Variants in CELF2 observed in about 807,000 individuals in gnomAD.
The protein encoded by CELF2 is CUG triplet repeat RNA-binding protein 2.
Under a neutral mutation model 62.6 loss-of-function variants are expected in CELF2, and 8 were observed. The ratio of observed to expected loss-of-function variants is 0.13; its 90% CI spans 0.07 to 0.23. CELF2 has a LOEUF of 0.23. Ranked by LOEUF, CELF2 falls within the 10% of genes least tolerant of loss-of-function variation. CELF2 has a pLI of 1.00. For missense variants in CELF2, 333 were observed against 671.0 expected, an observed-to-expected ratio of 0.50 and a Z score of 5.56; for synonymous variants, 258 against 250.0, an observed-to-expected ratio of 1.03 and a Z score of -0.30.
chr10:10,979,230 C>G (rs568165029), intron 2 of CELF2, among the ~76,000 whole-genome samples: 2 of 152,326 alleles, frequency 1.3e-5, no homozygotes, highest in Admixed American at 1.3e-4. Context: ...ATTCTCTTGA[C>G]GCCAGGCCTG....
chr10:10,463,176 C>A, the CELF2 span, among the ~76,000 whole-genome samples: 11 of 152,306 alleles, frequency 7.2e-5, no homozygotes, highest in African/African-American at 2.6e-4. Flanking sequence ...GAAGAACCTA[C>A]ATCATTTGCA....
At chr10:10,710,303 G>A in the CELF2 span, among the ~76,000 whole-genome samples, 3 of 152,278 alleles carry the variant, frequency 2.0e-5, no homozygotes, top group Non-Finnish European at 4.4e-5. Flanking sequence ...TGTTACCGTC[G>A]TCATAAAGCA....
chr10:10,886,440 G>A (rs2061753680), intron 1 of CELF2, among the ~76,000 whole-genome samples: 1 of 152,184 alleles, frequency 6.6e-6, no homozygotes. Context: ...CAACAGAAGG[G>A]CTGCCCTCCT....
chr10:10,586,584 G>C, the CELF2 span, among the ~76,000 whole-genome samples: 1 of 152,152 alleles, frequency 6.6e-6, no homozygotes, highest in African/African-American at 2.4e-5. Context: ...GCTATGCCGT[G>C]TAGTGGGAAA....
the CELF2 span, among the ~76,000 whole-genome samples, chr10:10,704,958 G>T: frequency 6.6e-6 from 1 of 151,836 alleles, no homozygotes; most frequent in African/African-American, 2.4e-5. Flanking sequence ...AAAAGCCAAG[G>T]TGGAAGGATC....
chr10:10,696,605 G>T, the CELF2 span, among the ~76,000 whole-genome samples: 1 of 151,946 alleles, frequency 6.6e-6, no homozygotes, highest in African/African-American at 2.4e-5. Flanking sequence ...CCCCAGCCTC[G>T]CTGCGGCCTT....
the CELF2 span, among the ~76,000 whole-genome samples, chr10:10,687,821 AC>A: frequency 6.6e-5 from 10 of 152,182 alleles, no homozygotes; most frequent in Non-Finnish European, 1.3e-4. Context: ...TCTCCTACCC[AC>A]TGTCAATTTG....
At chr10:10,484,790 A>T in the CELF2 span, among the ~76,000 whole-genome samples, 1 of 152,118 alleles carries the variant, frequency 6.6e-6, no homozygotes. Context: ...AATACTATCA[A>T]ATCACACAAT....
At chr10:10,486,141 A>G in the CELF2 span, among the ~76,000 whole-genome samples, 2 of 152,210 alleles carry the variant, frequency 1.3e-5, no homozygotes, top group Non-Finnish European at 2.9e-5. Flanking sequence ...TGAGGCTCCA[A>G]GAGCCTGTGG....
the CELF2 span, among the ~76,000 whole-genome samples, chr10:10,769,051 T>G: frequency 6.6e-6 from 1 of 152,210 alleles, no homozygotes; most frequent in African/African-American, 2.4e-5. Flanking sequence ...CATTTCCTAT[T>G]TGTTTTTCCT....
chr10:11,268,252 T>C lies in CELF2; in HGVS notation c.618+1575T>C, dbSNP rs554346843. On this transcript the variant is annotated intron_variant, in intron 6 of 12. Transcript: ENST00000633077. This position sits in a 1 kb window ranked among gnomAD's most constrained non-coding sequence, Gnocchi z 4.7. ...AAAAATAAAAAAGAAAACTCTTTACTTGTATTATCTTCCATATACGCGTTT... is the reference window on the plus strand; with the variant it reads ...AAAAATAAAAAAGAAAACTCTTTACCTGTATTATCTTCCATATACGCGTTT... Among the ~76,000 whole-genome samples, 49 of 152,362 alleles carry C rather than the reference T, an allele frequency of 3.2e-4. No individual in the cohort carries two copies. The highest frequency in any genetic ancestry group is 3.4e-3 in the Middle Eastern group (1 of 294).
chr10:10,495,265 C>T, the CELF2 span, among the ~76,000 whole-genome samples: 13 of 152,104 alleles, frequency 8.5e-5, no homozygotes, highest in East Asian at 1.4e-3. Flanking sequence ...GGCGACAGAG[C>T]GAGACTCTAT....
At chr10:10,758,463 C>A in the CELF2 span, among the ~76,000 whole-genome samples, 1 of 152,166 alleles carries the variant, frequency 6.6e-6, no homozygotes, top group Non-Finnish European at 1.5e-5. Flanking sequence ...CTTCCTGCCT[C>A]GTCCAAAGAT....
At chr10:10,822,858 G>A (rs1362096575) in intron 1 of CELF2, among the ~76,000 whole-genome samples, 1 of 152,202 alleles carries the variant, frequency 6.6e-6, no homozygotes, top group Non-Finnish European at 1.5e-5. Flanking sequence ...TTGGAAAGCA[G>A]CTGGCTGGCC....
intron 3 of CELF2, among the ~76,000 whole-genome samples, chr10:11,236,954 G>A (rs2071597990): frequency 6.6e-6 from 1 of 152,198 alleles, no homozygotes; most frequent in Non-Finnish European, 1.5e-5. Flanking sequence ...GTCAAAGCAT[G>A]GAATTCCCTG....
At chr10:11,234,725 G>C (rs2070441791) in intron 3 of CELF2, among the ~76,000 whole-genome samples, 2 of 151,738 alleles carry the variant, frequency 1.3e-5, no homozygotes, top group African/African-American at 4.8e-5. Context: ...CAAACTGGTG[G>C]GTGGGGGTGA....
Position 11,318,108 on chromosome 10 carries a change from T to C in CELF2, c.1097-3081T>C, listed in dbSNP as rs1241922735. The C allele has an allele frequency of 6.6e-6, 1 of 152,358 alleles. No individual in the cohort carries two copies. The highest frequency in any genetic ancestry group is 1.9e-4 in the East Asian group (1 of 5,202). The allele number at this position is 152,358 out of a possible 1,614,324, so 9.4% of individuals were successfully genotyped here. On this transcript the variant is annotated intron_variant, in intron 10 of 12. Transcript: ENST00000633077. This position sits in a 1 kb window ranked among gnomAD's most constrained non-coding sequence, Gnocchi z 5.4. ...CTGGGTTGACCAACACTGTCTTTGA[T>C]AGAATTAATCTAGAACAACATCAGG...
At chr10:10,641,450 G>GT in the CELF2 span, among the ~76,000 whole-genome samples, 123 of 151,548 alleles carry the variant, frequency 8.1e-4, 2 homozygotes, top group Non-Finnish European at 1.6e-4. Context: ...GTTTTCTTTT[G>GT]TTTTTTTGAG....
chr10:10,994,923 C>T (rs2136809746), intron 2 of CELF2, among the ~76,000 whole-genome samples: 1 of 152,298 alleles, frequency 6.6e-6, no homozygotes, highest in Admixed American at 6.5e-5. Flanking sequence ...CTATCTCACA[C>T]TTTCCCTCCA....
Sources: gnomAD v4.1 joint callset for allele counts (sites outside exome capture counted in the v4.1 genomes callset) on GRCh38, gnomAD v4.1.1 for gene constraint, Gnocchi (gnomAD v3.1) non-coding constraint, MANE v1.5 for transcripts, NCBI Gene and HGNC (gene_info 2026-07-23, HGNC 2026-07-21) for gene names.